The following FSTL1 variants were observed in gnomAD, a reference collection of about 807,000 sequenced individuals.
FSTL1 encodes the protein follistatin like 1.
FSTL1 carries 24 observed loss-of-function variants against 45.9 expected under a neutral mutation model. That is an observed-to-expected ratio of 0.52 (90% CI 0.38 to 0.74). FSTL1 has a LOEUF of 0.74. Among genes scored for constraint, FSTL1 ranks in the 30% least tolerant of loss-of-function variants. FSTL1 has a pLI of 0.00. For synonymous variants in FSTL1, 120 were observed against 137.6 expected (o/e 0.87, Z 0.89); for missense variants, 340 against 381.8 (o/e 0.89, Z 0.91).
chr3:120,435,035 A>G (rs1404324003), intron 2 of FSTL1, among the ~76,000 whole-genome samples: 1 of 152,172 alleles, frequency 6.6e-6, no homozygotes, highest in African/African-American at 2.4e-5. Flanking sequence ...CCTGGCCAAC[A>G]TGGTGAAACC....
rs1259948316 is a variant in FSTL1, at chr3:120,404,719, A to G, written c.581+134T>C. On this transcript the variant is annotated intron_variant, in intron 7 of 10. Transcript: ENST00000295633. ...TCATACTTTCATAGAATAGAACAGG[A>G]CAGAATTCCCATTTTGCTTTTTACG... 13 of 689,808 alleles carry G rather than the reference A, an allele frequency of 1.9e-5. No individual in the cohort carries two copies. In the East Asian group the frequency reaches 2.7e-4, roughly 15 times the overall value. 42.7% of individuals were successfully genotyped at this position (689,808 alleles called of 1,614,324 possible). A position where few individuals can be genotyped will look rare whatever the true frequency, so the allele number is the denominator to read the frequency against.
In FSTL1 at chr3:120,402,871, C is replaced by T. The variant is rs753729548; in HGVS notation, c.742G>A (p.Val248Met). The T allele has an allele frequency of 3.1e-6, 5 of 1,613,686 alleles. No individual in the cohort carries two copies. The highest frequency in any genetic ancestry group is 4.2e-6 in the Non-Finnish European group (5 of 1,179,756). The change falls in exon 9 of 11, where the codon GTG becomes ATG. Residue 248 changes from valine (V) to methionine (M), a missense_variant. Val to Met is a conservative substitution (Grantham distance 21). Coordinates refer to ENST00000295633, the MANE Select transcript of FSTL1 (RefSeq NM_007085.5). ...ETYADGAETE[V>M]DCNRCVCACG... ...GCACAGACACAGCGGTTACAGTCCACCTCGGTCTCAGCTCCATCTGCATAC... is the reference window on the plus strand; with the variant it reads ...GCACAGACACAGCGGTTACAGTCCATCTCGGTCTCAGCTCCATCTGCATAC...
chr3:120,406,599 G>A (rs1199579578), intron 6 of FSTL1, among the ~76,000 whole-genome samples: 1 of 152,212 alleles, frequency 6.6e-6, no homozygotes, highest in African/African-American at 2.4e-5. Flanking sequence ...CAACTCATGA[G>A]GGTCCAGTTG....
intron 3 of FSTL1, among the ~76,000 whole-genome samples, chr3:120,412,838 G>GCACGCGCA (rs1553703002): frequency 9.4e-6 from 1 of 106,132 alleles, no homozygotes. Flanking sequence ...GCGCGCGCGC[G>GCACGCGCA]CACACACACA....
chr3:120,424,616 G>A (rs1326839970), intron 2 of FSTL1, among the ~76,000 whole-genome samples: 2 of 151,892 alleles, frequency 1.3e-5, no homozygotes, highest in Non-Finnish European at 2.9e-5. Flanking sequence ...AGTTGGAACA[G>A]GCCTGGGGTG....
At chr3:120,435,002 T>A (rs1294533087) in intron 2 of FSTL1, among the ~76,000 whole-genome samples, 2 of 152,180 alleles carry the variant, frequency 1.3e-5, no homozygotes, top group African/African-American at 2.4e-5. Context: ...GGAGCTCACA[T>A]GAGGTCAGGA....
chr3:120,402,105 T>A (rs1297936434), intron 9 of FSTL1, among the ~76,000 whole-genome samples: 1 of 152,180 alleles, frequency 6.6e-6, no homozygotes, highest in Non-Finnish European at 1.5e-5. Flanking sequence ...CCCTGTAGCC[T>A]CACACTGCCC....
chr3:120,404,912 C>G lies in FSTL1; in HGVS notation c.522G>C (p.Gln174His). 1.2e-6 allele frequency: 2 copies of G among 1,609,260 alleles called. No individual in the cohort carries two copies. Among genetic ancestry groups the G allele is most frequent in the East Asian group, 2.2e-5 (1 of 44,868 alleles). ...TTGTAATATTGATGGCAGTTTCATT[C>G]TGTTCCACAAACTTCAGGAATTCAC... is the stretch of plus-strand genomic sequence containing the variant. The part of the protein sequence containing the change: ...DSSEFLKFVE[Q>H]NETAINITTY... Residue 174 changes from glutamine (Q) to histidine (H), a missense_variant, in exon 7 of 11, where the codon CAG becomes CAC. Transcript: ENST00000295633.
intron 2 of FSTL1, among the ~76,000 whole-genome samples, chr3:120,424,381 T>A (rs1178030920): frequency 6.6e-6 from 1 of 152,108 alleles, no homozygotes; most frequent in Admixed American, 6.5e-5. Context: ...CTAGTTGAGC[T>A]GATGAAACAA....
intron 2 of FSTL1, among the ~76,000 whole-genome samples, chr3:120,425,873 T>C (rs535104550): frequency 7.9e-5 from 12 of 152,296 alleles, no homozygotes; most frequent in South Asian, 6.2e-4. Flanking sequence ...GGAACCCCAA[T>C]TGAGTGTCCT....
intron 2 of FSTL1, among the ~76,000 whole-genome samples, chr3:120,432,377 G>A (rs901355870): frequency 1.3e-5 from 2 of 152,090 alleles, no homozygotes; most frequent in Non-Finnish European, 2.9e-5. Context: ...ACCTACTTAT[G>A]CTGGCCAATC....
chr3:120,422,958 G>A (rs574978593), intron 2 of FSTL1, among the ~76,000 whole-genome samples: 1 of 152,342 alleles, frequency 6.6e-6, no homozygotes, highest in South Asian at 2.1e-4. Flanking sequence ...GCCTTCCGAA[G>A]TGCTGGGATT....
At chr3:120,410,214 G>T (rs2107654377) in intron 5 of FSTL1, 1 of 166,542 alleles carries the variant, frequency 6.0e-6, no homozygotes, top group Non-Finnish European at 1.3e-5. Context: ...GCTCTGGACA[G>T]CTGTTGTCCA....
chr3:120,406,121 G>T (rs976660139), intron 6 of FSTL1, among the ~76,000 whole-genome samples: 1 of 152,062 alleles, frequency 6.6e-6, no homozygotes, highest in African/African-American at 2.4e-5. Flanking sequence ...ATGAAGGTGT[G>T]CATGAAACAA....
chr3:120,417,180 C>T (rs1309862701), intron 2 of FSTL1, among the ~76,000 whole-genome samples: 4 of 152,172 alleles, frequency 2.6e-5, no homozygotes, highest in Admixed American at 1.3e-4. Context: ...ACCAGACAGT[C>T]CACCCTCCAG....
At chr3:120,414,238 G>A (rs112006688) in intron 3 of FSTL1, among the ~76,000 whole-genome samples, 1 of 152,026 alleles carries the variant, frequency 6.6e-6, no homozygotes, top group Non-Finnish European at 1.5e-5. Context: ...CTGCCTGGCC[G>A]CCTATCGTCT....
chr3:120,449,443 C>T (rs566903473), intron 2 of FSTL1, among the ~76,000 whole-genome samples: 1 of 152,210 alleles, frequency 6.6e-6, no homozygotes, highest in East Asian at 1.9e-4. Flanking sequence ...CAAATCCCAC[C>T]CTTAGCATTT....
At chr3:120,447,720 C>T (rs1443610558) in intron 2 of FSTL1, among the ~76,000 whole-genome samples, 1 of 152,234 alleles carries the variant, frequency 6.6e-6, no homozygotes, top group Non-Finnish European at 1.5e-5. Context: ...ACCATCACGG[C>T]TCACTGCAGC....
At chr3:120,411,340 G>A (rs1292382203) in intron 4 of FSTL1, 2 of 237,954 alleles carry the variant, frequency 8.4e-6, no homozygotes, top group Non-Finnish European at 1.7e-5. Flanking sequence ...TCAAGGAAGG[G>A]CAAGGCTGAG....
Sources: gnomAD v4.1 joint callset for allele counts (sites outside exome capture counted in the v4.1 genomes callset) on GRCh38, gnomAD v4.1.1 for gene constraint, MANE v1.5 for transcripts, NCBI Gene and HGNC (gene_info 2026-07-23, HGNC 2026-07-21) for gene names.